Variants in FSD1 observed in about 807,000 individuals in gnomAD.
The protein encoded by FSD1 is fibronectin type III and SPRY domain-containing protein 1.
Under a neutral mutation model 58.2 loss-of-function variants are expected in FSD1, and 23 were observed. The observed-to-expected ratio is 0.40, with a 90% CI of 0.28 to 0.56. The LOEUF is 0.56. FSD1 is among the 20% of genes least tolerant of loss of function. The pLI, the probability that FSD1 is intolerant of heterozygous loss-of-function variation, is 0.54. For missense variants in FSD1, 563 were observed against 670.8 expected (o/e 0.84, Z 1.78); for synonymous variants, 265 against 263.4 (o/e 1.01, Z -0.06).
intron 9 of FSD1, 138 bp downstream of exon 9, chr19:4,318,643 G>C: frequency 1.2e-6 from 1 of 861,684 alleles, no homozygotes; most frequent in East Asian, 2.7e-5. Flanking sequence ...TGAAGGGAGA[G>C]GAGGTTTTGA....
intron 3 of FSD1, 58 bp downstream of exon 3, chr19:4,306,387 T>A (rs1171002910): frequency 6.3e-7 from 1 of 1,589,428 alleles, no homozygotes; most frequent in African/African-American, 1.3e-5. Flanking sequence ...AGAACGTAGC[T>A]GACCTCGGCA....
At chr19:4,308,857 C>CA (rs910904414) in intron 4 of FSD1, among the ~76,000 whole-genome samples, 24 of 148,352 alleles carry the variant, frequency 1.6e-4, no homozygotes, top group Middle Eastern at 7.2e-3. Flanking sequence ...GACTCCGTCG[C>CA]AAAAAAAAGA....
chr19:4,310,687 C>T (rs907172571), intron 6 of FSD1, 91 bp downstream of exon 6: 11 of 1,427,326 alleles, frequency 7.7e-6, no homozygotes, highest in African/African-American at 1.4e-5. Context: ...GTATGGTGGA[C>T]GACCCGGTGT....
At chr19:4,307,824 C>T in intron 3 of FSD1, 58 bp from the exon 4 acceptor site, 4 of 1,355,000 alleles carry the variant, frequency 3.0e-6, no homozygotes, top group South Asian at 2.5e-5. Flanking sequence ...GGGGAGCCCT[C>T]AGGGGGCCTG....
At chr19:4,310,048 C>T (rs1167895171) in intron 4 of FSD1, among the ~76,000 whole-genome samples, 1 of 151,358 alleles carries the variant, frequency 6.6e-6, no homozygotes, top group African/African-American at 2.4e-5. Flanking sequence ...GCCAACATGG[C>T]AAAACCCCAT....
Position 4,307,982 on chromosome 19 carries a change from A to G in FSD1, c.344A>G (p.Gln115Arg), listed in dbSNP as rs1212458362. The change falls in exon 4 of 13, where the codon CAG (glutamine) becomes CGG (arginine). Residue 115 changes from glutamine (Q) to arginine (R), a missense_variant and splice_region_variant. Gln to Arg is a conservative substitution (Grantham distance 43). Transcript: ENST00000221856. ...LQAMDSEDFPQAAKQIKDGVT... is the reference protein window; with the variant it reads ...LQAMDSEDFPRAAKQIKDGVT... Reference sequence around the variant, plus strand: ...GCCATGGACAGCGAGGACTTTCCTCAGGTGGGTGCCTCTGATGCTGCCAGG... The same window carrying G: ...GCCATGGACAGCGAGGACTTTCCTCGGGTGGGTGCCTCTGATGCTGCCAGG... 6.2e-7 allele frequency: 1 copy of G among 1,611,616 alleles called. No individual in the cohort carries two copies. The highest frequency in any genetic ancestry group is 1.1e-5 in the South Asian group (1 of 90,888).
chr19:4,308,022 C>T lies in FSD1; in HGVS notation c.345+39C>T, dbSNP rs371617832. 11 of 1,487,500 alleles carry T rather than the reference C, an allele frequency of 7.4e-6. No homozygotes were observed. In the African/African-American group the frequency reaches 9.7e-5, roughly 13 times the overall value. 92.1% of individuals were successfully genotyped at this position (1,487,500 alleles called of 1,614,324 possible). Reference sequence around the variant, plus strand: ...ATGCTGCCAGGTAAAGAACAGTGTGCCCAGTCACGTTTGCATTTCAGGTGA... The same window carrying T: ...ATGCTGCCAGGTAAAGAACAGTGTGTCCAGTCACGTTTGCATTTCAGGTGA... On this transcript the variant is annotated intron_variant, in intron 4 of 12. Transcript: ENST00000221856.
chr19:4,310,724 C>T (rs1053009481), intron 6 of FSD1, 128 bp downstream of exon 6: 2 of 1,133,340 alleles, frequency 1.8e-6, no homozygotes, highest in South Asian at 3.0e-5. Flanking sequence ...GGAGGTGGAG[C>T]TCTGAGAATT....
chr19:4,309,558 A>T (rs1971664539), intron 4 of FSD1, among the ~76,000 whole-genome samples: 1 of 152,152 alleles, frequency 6.6e-6, no homozygotes, highest in Non-Finnish European at 1.5e-5. Context: ...TTTGGCAAAT[A>T]CCTTCCTCGA....
At chr19:4,308,120 A>G (rs1314208530) in intron 4 of FSD1, 137 bp downstream of exon 4, 4 of 664,718 alleles carry the variant, frequency 6.0e-6, no homozygotes, top group Non-Finnish European at 1.0e-5. Context: ...ATACCAAGAA[A>G]GTGTCCAGGC....
intron 3 of FSD1, 108 bp downstream of exon 3, chr19:4,306,437 C>G: frequency 9.5e-7 from 1 of 1,052,908 alleles, no homozygotes; most frequent in Non-Finnish European, 1.4e-6. Context: ...TTTCTGATCT[C>G]TCCCCTGACC....
Position 4,307,907 on chromosome 19 carries a change from C to T in FSD1, c.269C>T (p.Ala90Val). The change falls in exon 4 of 13, where the codon GCC becomes GTC. Residue 90 changes from alanine (A) to valine (V), a missense_variant. Ala to Val is a moderately conservative substitution (Grantham distance 64). Transcript: ENST00000221856. ...AACCAGCTGGCTGCCTGCACGCGGG[C>T]CCTGGAGAGCTCCGAGGAGCTTCTG... is the stretch of plus-strand genomic sequence containing the variant. ...LQNQLAACTR[A>V]LESSEELLET... is the part of the protein sequence containing the mutation. 1.9e-6 allele frequency: 3 copies of T among 1,613,744 alleles called. No individual in the cohort carries two copies. Among genetic ancestry groups the T allele is most frequent in the Non-Finnish European group, 2.5e-6 (3 of 1,179,892 alleles).
rs771659397 is a variant in FSD1 at position 4,310,488 on chromosome 19, C to G, written c.382C>G (p.Pro128Ala). Residue 128 changes from proline (P) to alanine (A), a missense_variant, in exon 6 of 13, where the codon CCT (proline) becomes GCT (alanine). Pro to Ala is a conservative substitution (Grantham distance 27). Transcript: ENST00000221856. ...TCCTTCCTGCAGAGTGACCATGGCC[C>G]CTGCCTTCCGGCTATCATTGAAAGC... ...KQIKDGVTMA[P>A]AFRLSLKAKV... 6.9e-5 allele frequency: 112 copies of G among 1,612,620 alleles called. No homozygotes were observed. Among genetic ancestry groups the G allele is most frequent in the Non-Finnish European group, 9.2e-5 (108 of 1,179,006 alleles).
chr19:4,322,843 G>C (rs1448835634), intron 10 of FSD1, 143 bp from the exon 11 acceptor site: 7 of 1,006,426 alleles, frequency 7.0e-6, no homozygotes, highest in Admixed American at 2.5e-5. Flanking sequence ...TATCTGGGGG[G>C]TACAGCTAGG....
rs183845749 is a variant in FSD1, at chr19:4,322,513, C to A, written c.1040-473C>A. Among the ~76,000 whole-genome samples the A allele has an allele frequency of 1.3e-3, 197 of 148,042 alleles. 1 individual carries two copies. Among genetic ancestry groups the A allele is most frequent in the African/African-American group, 4.7e-3 (185 of 39,562 alleles). ...GAGTATCTGGAGGATATAGCAGGAA[C>A]CGAGGAGTATCTGGAGGGAATAGCT... On this transcript the variant is annotated intron_variant, in intron 10 of 12. Transcript: ENST00000221856.
At chr19:4,309,145 G>C (rs1791915392) in intron 4 of FSD1, among the ~76,000 whole-genome samples, 1 of 152,108 alleles carries the variant, frequency 6.6e-6, no homozygotes, top group Admixed American at 6.6e-5. Flanking sequence ...CTACTCAAGA[G>C]GCTGAAGTGG....
At chr19:4,322,864 G>A in intron 10 of FSD1, 122 bp from the exon 11 acceptor site, 1 of 1,211,182 alleles carries the variant, frequency 8.3e-7, no homozygotes, top group East Asian at 2.6e-5. Flanking sequence ...AACCTGGGGA[G>A]TGTCTCTGCA....
At chr19:4,320,208 A>G (rs1971798890) in intron 10 of FSD1, among the ~76,000 whole-genome samples, 1 of 151,812 alleles carries the variant, frequency 6.6e-6, no homozygotes, top group African/African-American at 2.4e-5. Context: ...TTCCACGTGG[A>G]GTTGGGGTCT....
At chr19:4,307,414 G>C (rs1971634342) in intron 3 of FSD1, among the ~76,000 whole-genome samples, 1 of 151,744 alleles carries the variant, frequency 6.6e-6, no homozygotes, top group Admixed American at 6.6e-5. Flanking sequence ...CTGTGACCCA[G>C]GCTGGATCAG....
Sources: allele counts gnomAD v4.1 joint callset (sites outside exome capture counted in the v4.1 genomes callset), GRCh38; gene constraint gnomAD v4.1.1; transcripts MANE v1.5; gene names NCBI Gene and HGNC (gene_info 2026-07-23, HGNC 2026-07-21).